Variants in TM6SF2 observed in about 807,000 individuals in gnomAD.
The protein encoded by TM6SF2 is transmembrane 6 superfamily member 2.
TM6SF2 carries 29 observed loss-of-function variants against 41.0 expected under a neutral mutation model. The observed-to-expected ratio is 0.71, with a 90% CI of 0.53 to 0.96. The LOEUF (loss-of-function observed/expected upper bound fraction) is 0.96, where lower values mean the gene tolerates loss of function less well. Among genes scored for constraint, TM6SF2 ranks in the 50% least tolerant of loss-of-function variants. The pLI, the probability that TM6SF2 is intolerant of heterozygous loss-of-function variation, is 0.00. For synonymous variants in TM6SF2, 200 were observed against 209.1 expected, an observed-to-expected ratio of 0.96 and a Z score of 0.37; for missense variants, 475 against 499.0, an observed-to-expected ratio of 0.95 and a Z score of 0.46.
rs1248802357 is a variant in TM6SF2, at chr19:19,267,651, C to T, written c.774G>A (p.Leu258=). ...CCTTAGGGTAGGCCACAGGGTCCCG[C>T]AGGTATGGCTCATACTGGTAGATAT... is the stretch of plus-strand genomic sequence containing the variant. ...FVYIYQYEPY[L]RDPVAYPKVQ... Residue 258 remains leucine (L), a synonymous_variant, in exon 8 of 10, where the codon CTG becomes CTA. Transcript: ENST00000389363. 1 of 1,613,870 alleles carries T rather than the reference C, an allele frequency of 6.2e-7. No individual in the cohort carries two copies. The highest frequency in any genetic ancestry group is 8.5e-7 in the Non-Finnish European group (1 of 1,179,928).
intron 7 of TM6SF2, 81 bp downstream of exon 7, chr19:19,267,905 A>G: frequency 3.3e-6 from 4 of 1,201,250 alleles, no homozygotes; most frequent in South Asian, 1.3e-5. Context: ...ATGATCAAAC[A>G]GGAAGGGCAG....
At chr19:19,269,885 C>A in intron 4 of TM6SF2, 116 bp from the exon 5 acceptor site, 2 of 1,577,570 alleles carry the variant, frequency 1.3e-6, no homozygotes, top group South Asian at 1.2e-5. Context: ...CAGTTTTGCC[C>A]AGGATGGAAG....
intron 9 of TM6SF2, 105 bp from the exon 10 acceptor site, chr19:19,264,978 C>G: frequency 4.7e-6 from 3 of 632,050 alleles, no homozygotes; most frequent in Non-Finnish European, 7.5e-6. Context: ...CAGGGGATGC[C>G]CATCCCCACC....
rs1350419386 is a variant in TM6SF2 at position 19,270,339 on chromosome 19, A to G, written c.297+6T>C. ...GTAGGGGGCTCCCTGGTCGTCCCCCAAGTACCTCCTTGGTGTAGAACTCCA... is the reference window on the plus strand; with the variant it reads ...GTAGGGGGCTCCCTGGTCGTCCCCCGAGTACCTCCTTGGTGTAGAACTCCA... On this transcript the variant is annotated splice_donor_region_variant and intron_variant, in intron 3 of 9. Transcript: ENST00000389363. The G allele has an allele frequency of 6.2e-7, 1 of 1,613,998 alleles. No individual in the cohort carries two copies. The highest frequency in any genetic ancestry group is 1.3e-5 in the African/African-American group (1 of 74,948).
At chr19:19,266,747 G>T in intron 8 of TM6SF2, 138 bp from the exon 9 acceptor site, 2 of 1,021,458 alleles carry the variant, frequency 2.0e-6, no homozygotes, top group Non-Finnish European at 2.8e-6. Context: ...TCTGCAAAGT[G>T]CTCCTCTATT....
intron 1 of TM6SF2, among the ~76,000 whole-genome samples, chr19:19,272,585 G>C (rs1209727885): frequency 6.6e-6 from 1 of 152,138 alleles, no homozygotes; most frequent in East Asian, 1.9e-4. Context: ...AGGGTTAGGA[G>C]ACAGGGACCA....
At chr19:19,270,312 C>A (rs752530644) in intron 3 of TM6SF2, 33 bp downstream of exon 3, 2 of 1,614,000 alleles carry the variant, frequency 1.2e-6, no homozygotes. Flanking sequence ...ACGGGCAGTG[C>A]GGTAGGGGGC....
intron 1 of TM6SF2, among the ~76,000 whole-genome samples, chr19:19,271,406 C>T (rs116904583): frequency 0.03 from 4,539 of 152,280 alleles, 118 homozygotes; most frequent in Non-Finnish European, 0.04. Context: ...CTCCATGAAG[C>T]GCTCCCTGAC....
chr19:19,271,500 CTTTCTTTCTTTTTTTCTT>C (rs1489606627), intron 1 of TM6SF2, among the ~76,000 whole-genome samples: 3 of 151,720 alleles, frequency 2.0e-5, no homozygotes, highest in Admixed American at 2.0e-4. Flanking sequence ...TTTCTTTTCT[CTTTCTTTCTTTTTTTCTT>C]TTTCTTTCTT....
At chr19:19,270,517 G>C in intron 2 of TM6SF2, 75 bp from the exon 3 acceptor site, 3 of 1,515,284 alleles carry the variant, frequency 2.0e-6, no homozygotes, top group Admixed American at 2.0e-5. Flanking sequence ...AGTGTGGGCG[G>C]GGCTTGAAGT....
chr19:19,267,507 A>G, intron 8 of TM6SF2, 114 bp downstream of exon 8: 1 of 738,156 alleles, frequency 1.4e-6, no homozygotes. Flanking sequence ...TAGGACAGTA[A>G]ATTCCATATG....
At chr19:19,269,561 G>A (rs1431087169) in intron 5 of TM6SF2, 126 bp downstream of exon 5, 7 of 1,161,046 alleles carry the variant, frequency 6.0e-6, no homozygotes, top group African/African-American at 3.1e-5. Flanking sequence ...CTGTGGACAC[G>A]CAAAGAGGGA....
At chr19:19,270,152 C>T (rs761018515) in intron 4 of TM6SF2, 21 bp downstream of exon 4, 1 of 1,613,500 alleles carries the variant, frequency 6.2e-7, no homozygotes, top group Non-Finnish European at 8.5e-7. Context: ...TCAGGGGCCA[C>T]CCTCTCCCTG....
At position 19,267,614 on chromosome 19, in the gene TM6SF2, CT is replaced by C. The variant is rs746297412; in HGVS notation, c.804+6del. ...GGGGTGTGGTCTTCTCCCCGCTCCC[CT>C]CTCACCTGCACCTTAGGGTAGGCCA... On this transcript the variant is annotated splice_donor_region_variant and intron_variant, in intron 8 of 9. Coordinates refer to ENST00000389363, the MANE Select transcript of TM6SF2 (RefSeq NM_001001524.3). 2 of 1,611,342 alleles carry C rather than the reference CT, an allele frequency of 1.2e-6. No homozygotes were observed. Among genetic ancestry groups the C allele is most frequent in the African/African-American group, 1.3e-5 (1 of 74,830 alleles).
intron 5 of TM6SF2, among the ~76,000 whole-genome samples, chr19:19,269,115 C>T (rs570334470): frequency 1.6e-4 from 24 of 152,304 alleles, no homozygotes; most frequent in Admixed American, 3.9e-4. Flanking sequence ...AGCCACCACA[C>T]GTGGCCTCTC....
chr19:19,267,773 A>T, intron 7 of TM6SF2, 60 bp from the exon 8 acceptor site: 2 of 1,498,926 alleles, frequency 1.3e-6, no homozygotes, highest in Non-Finnish European at 1.8e-6. Flanking sequence ...AGCCTCCCCC[A>T]CCCTCCCAGG....
chr19:19,271,887 G>A (rs1231206971), intron 1 of TM6SF2, among the ~76,000 whole-genome samples: 2 of 152,172 alleles, frequency 1.3e-5, no homozygotes, highest in African/African-American at 4.8e-5. Context: ...GACTCAGTCT[G>A]TTCAGTCATT....
chr19:19,266,297 A>G (rs2146575877), intron 9 of TM6SF2, among the ~76,000 whole-genome samples, 193 bp downstream of exon 9: 1 of 151,446 alleles, frequency 6.6e-6, no homozygotes, highest in African/African-American at 2.4e-5. Context: ...CCCTGTCCCT[A>G]TTTTCATGGG....
chr19:19,270,766 T>C (rs2061020782), intron 2 of TM6SF2, among the ~76,000 whole-genome samples: 1 of 152,190 alleles, frequency 6.6e-6, no homozygotes, highest in South Asian at 2.1e-4. Flanking sequence ...TGAGGCAGTA[T>C]ACTCTTTTTC....
Sources: gnomAD v4.1 joint callset for allele counts (sites outside exome capture counted in the v4.1 genomes callset) on GRCh38, gnomAD v4.1.1 for gene constraint, MANE v1.5 for transcripts, NCBI Gene and HGNC (gene_info 2026-07-23, HGNC 2026-07-21) for gene names.